ARHGAP35: variants seen among roughly 807,000 people sequenced by gnomAD.
ARHGAP35 encodes the protein Rho GTPase activating protein 35, also known as rho GTPase-activating protein 35.
Under a neutral mutation model 111.1 loss-of-function variants are expected in ARHGAP35, and 15 were observed. The ratio of observed to expected loss-of-function variants is 0.13; its 90% CI spans 0.09 to 0.21. ARHGAP35 has a LOEUF of 0.21. ARHGAP35 is among the 10% of genes least tolerant of loss of function. ARHGAP35 has a pLI of 1.00. For synonymous variants in ARHGAP35, 643 were observed against 710.3 expected (o/e 0.91, Z 1.51); for missense variants, 1,262 against 1,873.0 (o/e 0.67, Z 6.02).
At chr19:46,953,628 A>G (rs2056423959) in intron 3 of ARHGAP35, among the ~76,000 whole-genome samples, 2 of 152,098 alleles carry the variant, frequency 1.3e-5, no homozygotes, top group Non-Finnish European at 1.5e-5. Context: ...ATCTTTCTCC[A>G]TTCTGCTATT....
At chr19:46,879,533 G>C (rs773416652) in intron 1 of ARHGAP35, among the ~76,000 whole-genome samples, 6 of 151,466 alleles carry the variant, frequency 4.0e-5, no homozygotes, top group African/African-American at 7.3e-5. Flanking sequence ...GTTGCAGTGA[G>C]CCAAGATCGC....
chr19:46,898,299 A>T (rs2056067874), intron 1 of ARHGAP35, among the ~76,000 whole-genome samples: 1 of 152,090 alleles, frequency 6.6e-6, no homozygotes, highest in Non-Finnish European at 1.5e-5. Flanking sequence ...AGGAAACATA[A>T]AGGAAGGATT....
chr19:46,971,279 G>A (rs370513775), intron 3 of ARHGAP35, among the ~76,000 whole-genome samples: 24 of 151,966 alleles, frequency 1.6e-4, no homozygotes, highest in South Asian at 6.2e-4. Flanking sequence ...GGTGGCGTGC[G>A]TCTGTAGTCC....
At position 46,989,332 on chromosome 19, in the gene ARHGAP35, C is replaced by A; in HGVS notation, c.3905-212C>A. 1 of 545,802 alleles carries A rather than the reference C, an allele frequency of 1.8e-6. No individual in the cohort carries two copies. The highest frequency in any genetic ancestry group is 3.2e-6 in the Non-Finnish European group (1 of 311,376). 33.8% of individuals were successfully genotyped at this position (545,802 alleles called of 1,614,324 possible). ...CCCGAGAGTGGTAGAAGGGGCAGTT[C>A]AGCAGTCTCGGAAAGAGGTGCTGGG... On this transcript the variant is annotated intron_variant, in intron 4 of 6. Coordinates refer to ENST00000672722, the MANE Select transcript of ARHGAP35 (RefSeq NM_004491.5). The surrounding 1 kb of genome is among the most constrained non-coding windows in gnomAD (Gnocchi z 5.3).
At position 46,987,681 on chromosome 19, in the gene ARHGAP35, T is replaced by C. The variant is rs76649520; in HGVS notation, c.3827-308T>C. ...ATATATACTACCTCTGTTTTTTAAA[T>C]GAAAATGAAAAACTCAAGAGTATAC... is the stretch of plus-strand genomic sequence containing the variant. On this transcript the variant is annotated intron_variant, in intron 3 of 6. Coordinates refer to ENST00000672722, the MANE Select transcript of ARHGAP35 (RefSeq NM_004491.5). 6.5e-3 allele frequency among the ~76,000 whole-genome samples: 986 copies of C among 152,316 alleles called. 9 individuals are homozygous for C. Among genetic ancestry groups the C allele is most frequent in the African/African-American group, 0.023 (939 of 41,580 alleles).
intron 1 of ARHGAP35, among the ~76,000 whole-genome samples, chr19:46,880,586 G>A (rs2055956267): frequency 6.6e-6 from 1 of 152,200 alleles, no homozygotes; most frequent in Non-Finnish European, 1.5e-5. Flanking sequence ...AAAGCAGTCT[G>A]TGAGGGTTAG....
chr19:46,915,926 A>G (rs2056159705), intron 1 of ARHGAP35, among the ~76,000 whole-genome samples: 1 of 143,004 alleles, frequency 7.0e-6, no homozygotes, highest in South Asian at 2.2e-4. Context: ...AGGAATCCAA[A>G]CTCTTTTTTT....
chr19:46,921,894 T>C lies in ARHGAP35; in HGVS notation c.3219T>C (p.Ser1073=), dbSNP rs761917591. Residue 1073 remains serine, a synonymous_variant, in exon 2 of 7, where the codon TCT becomes TCC. Transcript: ENST00000672722. This position sits in a 1 kb window ranked among gnomAD's most constrained non-coding sequence, Gnocchi z 4.3. The part of the protein sequence containing the change: ...HRDGQRKSVS[S]SPWLPQDGFD... Reference sequence around the variant, plus strand: ...ATGGACAGAGGAAGTCTGTGTCTTCTAGCCCCTGGCTGCCTCAGGATGGGT... The same window carrying C: ...ATGGACAGAGGAAGTCTGTGTCTTCCAGCCCCTGGCTGCCTCAGGATGGGT... The C allele has an allele frequency of 2.5e-6, 4 of 1,613,896 alleles. No homozygotes were observed. Among genetic ancestry groups the C allele is most frequent in the Non-Finnish European group, 3.4e-6 (4 of 1,179,894 alleles).
intron 1 of ARHGAP35, among the ~76,000 whole-genome samples, chr19:46,915,452 G>A (rs1382588537): frequency 6.6e-6 from 1 of 152,176 alleles, no homozygotes; most frequent in Non-Finnish European, 1.5e-5. Flanking sequence ...TCAGAAGGAA[G>A]CTATGGATGT....
chr19:46,962,081 G>T (rs8110671), intron 3 of ARHGAP35, among the ~76,000 whole-genome samples: 3,011 of 152,306 alleles, frequency 0.02, 106 homozygotes, highest in African/African-American at 0.068. Context: ...GGAATGCTGG[G>T]ATGTTTTGTG....
Position 47,001,018 on chromosome 19 carries a change from A to G in ARHGAP35, c.*330A>G, listed in dbSNP as rs2056745605. 6.9e-7 allele frequency: 1 copy of G among 1,449,940 alleles called. No individual in the cohort carries two copies. Among genetic ancestry groups the G allele is most frequent in the South Asian group, 1.2e-5 (1 of 82,094 alleles). The allele number at this position is 1,449,940 out of a possible 1,614,324, so 89.8% of individuals were successfully genotyped here. On this transcript the variant is annotated 3_prime_UTR_variant, in exon 7 of 7. Coordinates refer to ENST00000672722, the MANE Select transcript of ARHGAP35 (RefSeq NM_004491.5). This position sits in a 1 kb window ranked among gnomAD's most constrained non-coding sequence, Gnocchi z 5.4. The stretch of plus-strand genomic sequence containing the variant: ...CCTCCGGGTGCCTCCCTCTGCTTGT[A>G]CAGAGCCCATGGTCGGGACAGTGCC...
chr19:46,964,751 C>T (rs1277384328), intron 3 of ARHGAP35, among the ~76,000 whole-genome samples: 5 of 152,032 alleles, frequency 3.3e-5, no homozygotes, highest in Admixed American at 3.3e-4. Context: ...GGGGGTTCTA[C>T]CAGGGTAATA....
chr19:46,885,369 T>A (rs1204168512), intron 1 of ARHGAP35, among the ~76,000 whole-genome samples: 3 of 152,140 alleles, frequency 2.0e-5, no homozygotes, highest in Non-Finnish European at 1.5e-5. Context: ...AACAACCCAA[T>A]GAAGTAGGTA....
In ARHGAP35 at chr19:46,979,030, TG is replaced by T. The variant is rs1199144665; in HGVS notation, c.3827-8952del. On this transcript the variant is annotated intron_variant, in intron 3 of 6. Transcript: ENST00000672722. ...GTGTGTGTGTGTGGTGGGGCAGGTG[TG>T]GGGGGGTGTGGTGTGTGGTGGGATG... Among the ~76,000 whole-genome samples, 9 of 42,860 alleles carry T rather than the reference TG, an allele frequency of 2.1e-4. No homozygotes were observed. In the East Asian group the frequency reaches 2.1e-3, roughly 10 times the overall value. The allele number at this position is 42,860 out of a possible 152,430, so 28.1% of individuals were successfully genotyped here.
intron 1 of ARHGAP35, among the ~76,000 whole-genome samples, chr19:46,878,375 C>G (rs1474783789): frequency 6.6e-6 from 1 of 152,026 alleles, no homozygotes; most frequent in Non-Finnish European, 1.5e-5. Context: ...GGCTGGGGTG[C>G]GGTGGTGCAG....
intron 3 of ARHGAP35, among the ~76,000 whole-genome samples, chr19:46,970,577 A>G (rs1599855585): frequency 1.3e-5 from 2 of 152,186 alleles, no homozygotes; most frequent in East Asian, 3.8e-4. Context: ...ACCCTTCATC[A>G]GGAGATCAGA....
chr19:46,927,762 T>C (rs968125025), intron 2 of ARHGAP35, among the ~76,000 whole-genome samples: 3 of 152,178 alleles, frequency 2.0e-5, no homozygotes, highest in Admixed American at 6.5e-5. Context: ...TAACTAAGGC[T>C]CAGAGAGATT....
intron 1 of ARHGAP35, among the ~76,000 whole-genome samples, chr19:46,866,939 A>G (rs2055860970): frequency 6.6e-6 from 1 of 152,334 alleles, no homozygotes; most frequent in South Asian, 2.1e-4. Flanking sequence ...TCAAACAGCA[A>G]TGGTCTGAAC....
At chr19:46,888,199 A>G (rs182575) in intron 1 of ARHGAP35, among the ~76,000 whole-genome samples, 9 of 135,772 alleles carry the variant, frequency 6.6e-5, no homozygotes, top group Non-Finnish European at 1.3e-4. Context: ...TGATCCGCCC[A>G]CCTCGGCCTC....
Sources: allele counts gnomAD v4.1 joint callset (sites outside exome capture counted in the v4.1 genomes callset), GRCh38; gene constraint gnomAD v4.1.1; non-coding constraint Gnocchi (gnomAD v3.1); transcripts MANE v1.5; gene names NCBI Gene and HGNC (gene_info 2026-07-23, HGNC 2026-07-21).